DAAM1: variants seen among roughly 807,000 people sequenced by gnomAD.
DAAM1 encodes the protein disheveled-associated activator of morphogenesis 1.
In DAAM1, 52 loss-of-function variants were observed where a neutral mutation model predicts 130.0. That is an observed-to-expected ratio of 0.40 (90% CI 0.32 to 0.50). The LOEUF is 0.50. Ranked by LOEUF, DAAM1 falls within the 20% of genes least tolerant of loss-of-function variation. DAAM1 has a pLI of 0.61. For synonymous variants in DAAM1, 452 were observed against 444.5 expected (o/e 1.02, Z -0.21); for missense variants, 1,134 against 1,303.8 (o/e 0.87, Z 2.01).
At chr14:59,203,863 TTCAAGTATGAA>T (rs1162658349) in intron 1 of DAAM1, among the ~76,000 whole-genome samples, 1 of 152,250 alleles carries the variant, frequency 6.6e-6, no homozygotes, top group Non-Finnish European at 1.5e-5. Flanking sequence ...GTAAAAAGCA[TTCAAGTATGAA>T]CTCTTGCCTA....
chr14:59,287,725 T>C (rs1883524501), intron 2 of DAAM1, among the ~76,000 whole-genome samples: 1 of 151,996 alleles, frequency 6.6e-6, no homozygotes, highest in Non-Finnish European at 1.5e-5. Flanking sequence ...ATCAAAGAAG[T>C]GAAAGATCTC....
At chr14:59,290,534 G>A (rs1201194418) in intron 2 of DAAM1, among the ~76,000 whole-genome samples, 1 of 152,224 alleles carries the variant, frequency 6.6e-6, no homozygotes. Context: ...ATAATGTACT[G>A]AGTAAATATC....
chr14:59,363,826 G>A, intron 23 of DAAM1, 44 bp downstream of exon 23: 1 of 1,607,940 alleles, frequency 6.2e-7, no homozygotes, highest in Non-Finnish European at 8.5e-7. Flanking sequence ...GACCGGGCTG[G>A]GCTTCAGTGT....
intron 16 of DAAM1, among the ~76,000 whole-genome samples, chr14:59,343,764 C>T (rs916618101): frequency 1.4e-4 from 21 of 152,196 alleles, no homozygotes; most frequent in African/African-American, 4.6e-4. Flanking sequence ...GAGGTGCCAG[C>T]ACTCCCCATG....
chr14:59,267,804 C>T (rs559324290), intron 2 of DAAM1, among the ~76,000 whole-genome samples: 15 of 152,038 alleles, frequency 9.9e-5, no homozygotes, highest in Admixed American at 5.9e-4. Context: ...TCTTTGACTT[C>T]ACAGAGTGTT....
chr14:59,326,821 C>T (rs1048752103), intron 11 of DAAM1, 112 bp from the exon 12 acceptor site: 10 of 1,521,896 alleles, frequency 6.6e-6, no homozygotes, highest in Non-Finnish European at 8.1e-6. Flanking sequence ...GGGTTTCAAG[C>T]ATGCACTGAG....
In DAAM1 at chr14:59,355,170, C is replaced by T. The variant is rs767797655; in HGVS notation, c.2362C>T (p.Arg788Cys). The T allele has an allele frequency of 2.5e-6, 4 of 1,605,466 alleles. No individual in the cohort carries two copies. The South Asian group carries it at 3.3e-5, about 13-fold the overall frequency. ...TTATGTGTTTTGTTTTGAAGCAATT[C>T]GTTCTGGCTCAGAAGAGGTGTTTAG... ...AEVKPKVEAI[R>C]SGSEEVFRSG... The change falls in exon 20 of 25, where the codon CGT becomes TGT. Residue 788 changes from arginine to cysteine, a missense_variant. Physicochemically the swap from Arg to Cys is radical, Grantham distance 180. Around this residue, in one of 3 missense-constraint regions of DAAM1, gnomAD observed 644 missense variants for 695.9 expected, o/e 0.93. Transcript: ENST00000360909.
At chr14:59,280,138 G>C (rs1367639954) in intron 2 of DAAM1, among the ~76,000 whole-genome samples, 1 of 152,052 alleles carries the variant, frequency 6.6e-6, no homozygotes, top group African/African-American at 2.4e-5. Context: ...GCTGACATGA[G>C]TATAAGATGG....
chr14:59,322,568 T>A (rs1195494161), intron 5 of DAAM1, among the ~76,000 whole-genome samples: 1 of 151,926 alleles, frequency 6.6e-6, no homozygotes, highest in African/African-American at 2.4e-5. Flanking sequence ...GAACAGCAGA[T>A]GGTTTTAATC....
At chr14:59,355,434 C>CTCT in intron 20 of DAAM1, 101 bp downstream of exon 20, 1 of 1,391,824 alleles carries the variant, frequency 7.2e-7, no homozygotes, top group Non-Finnish European at 9.8e-7. Flanking sequence ...ACACTGCATT[C>CTCT]TTCAGTTGGA....
chr14:59,302,885 C>T (rs1441755249), intron 3 of DAAM1, among the ~76,000 whole-genome samples: 1 of 152,142 alleles, frequency 6.6e-6, no homozygotes, highest in Admixed American at 6.5e-5. Flanking sequence ...AAGTCCTGAC[C>T]TCAGGTGATC....
rs553595337 is a variant in DAAM1 at position 59,336,931 on chromosome 14, A to G, written c.1969-3143A>G. The stretch of plus-strand genomic sequence containing the variant: ...CACCAATCAGTTGTTAATTAACCAC[A>G]TTTTACAGACAGATAGACTGAGCCC... On this transcript the variant is annotated intron_variant, in intron 15 of 24. Transcript: ENST00000360909. Among the ~76,000 whole-genome samples the G allele has an allele frequency of 1.1e-4, 17 of 152,314 alleles. 1 individual carries two copies. Among genetic ancestry groups the G allele is most frequent in the Admixed American group, 1.1e-3 (17 of 15,298 alleles).
At chr14:59,191,217 C>T (rs943670855) in intron 1 of DAAM1, among the ~76,000 whole-genome samples, 1 of 152,074 alleles carries the variant, frequency 6.6e-6, no homozygotes, top group Non-Finnish European at 1.5e-5. Context: ...TTGACACTTA[C>T]GATCTTATTT....
At chr14:59,222,064 G>A (rs1484232429) in intron 1 of DAAM1, among the ~76,000 whole-genome samples, 1 of 152,186 alleles carries the variant, frequency 6.6e-6, no homozygotes, top group South Asian at 2.1e-4. Context: ...CCTGCAAGGT[G>A]TTGTCAGCTA....
intron 3 of DAAM1, among the ~76,000 whole-genome samples, chr14:59,303,831 C>T (rs1057430226): frequency 1.2e-4 from 19 of 152,150 alleles, no homozygotes; most frequent in Admixed American, 5.9e-4. Context: ...ACCCAGGAGG[C>T]GGAGGTTGCA....
At chr14:59,330,463 A>G (rs761181923) in intron 12 of DAAM1, 38 bp from the exon 13 acceptor site, 1 of 1,518,800 alleles carries the variant, frequency 6.6e-7, no homozygotes, top group Middle Eastern at 1.8e-4. Context: ...AGCTTTGAAG[A>G]CTCTCCTGTT....
intron 16 of DAAM1, among the ~76,000 whole-genome samples, chr14:59,343,261 G>A (rs750890882): frequency 4.6e-5 from 7 of 152,132 alleles, no homozygotes; most frequent in Non-Finnish European, 7.3e-5. Context: ...TTTTGGTTTC[G>A]CAGGACAGGT....
At chr14:59,270,548 A>G (rs1882666064) in intron 2 of DAAM1, among the ~76,000 whole-genome samples, 1 of 152,182 alleles carries the variant, frequency 6.6e-6, no homozygotes, top group Non-Finnish European at 1.5e-5. Context: ...ATCAGATTTC[A>G]ACATGAGATT....
At chr14:59,275,379 G>A (rs571799274) in intron 2 of DAAM1, among the ~76,000 whole-genome samples, 47 of 152,174 alleles carry the variant, frequency 3.1e-4, no homozygotes, top group African/African-American at 1.0e-3. Context: ...ACAACAAACC[G>A]TGTAATACAA....
Sources: gnomAD v4.1 joint callset for allele counts (sites outside exome capture counted in the v4.1 genomes callset) on GRCh38, gnomAD v4.1.1 for gene constraint, gnomAD v4.1.1 regional missense constraint, MANE v1.5 for transcripts, NCBI Gene and HGNC (gene_info 2026-07-23, HGNC 2026-07-21) for gene names.